The following RABGAP1L variants were observed in gnomAD, a reference collection of about 807,000 sequenced individuals.
RABGAP1L encodes the protein rab GTPase-activating protein 1-like.
Under a neutral mutation model 137.7 loss-of-function variants are expected in RABGAP1L, and 63 were observed. The observed-to-expected ratio is 0.46, with a 90% CI of 0.37 to 0.56. The LOEUF (loss-of-function observed/expected upper bound fraction) is 0.56, where lower values mean the gene tolerates loss of function less well. Ranked by LOEUF, RABGAP1L falls within the 20% of genes least tolerant of loss-of-function variation. RABGAP1L has a pLI of 0.00. For missense variants in RABGAP1L, 1,095 were observed against 1,244.0 expected (o/e 0.88, Z 1.80); for synonymous variants, 431 against 433.7 (o/e 0.99, Z 0.08).
chr1:174,471,153 C>T lies in RABGAP1L; in HGVS notation c.1710+77008C>T, dbSNP rs191958045. Reference sequence around the variant, plus strand: ...TTACTATGATTTCTATTTCTATATTCGTGTATGTTTTTGTGTTTGAGTTCA... The same window carrying T: ...TTACTATGATTTCTATTTCTATATTTGTGTATGTTTTTGTGTTTGAGTTCA... On this transcript the variant is annotated intron_variant, in intron 13 of 25. Transcript: ENST00000681986. Among the ~76,000 whole-genome samples, 157 of 152,244 alleles carry T rather than the reference C, an allele frequency of 1.0e-3. 1 individual carries two copies. The highest frequency in any genetic ancestry group is 8.1e-3 in the Admixed American group (124 of 15,294).
intron 11 of RABGAP1L, among the ~76,000 whole-genome samples, chr1:174,347,245 C>A (rs1475442754): frequency 6.6e-6 from 1 of 152,110 alleles, no homozygotes; most frequent in Non-Finnish European, 1.5e-5. Flanking sequence ...GACTGTGGTG[C>A]AGATTAAGTT....
At chr1:174,689,653 CT>C (rs1262990946) in intron 15 of RABGAP1L, among the ~76,000 whole-genome samples, 3 of 152,128 alleles carry the variant, frequency 2.0e-5, no homozygotes, top group African/African-American at 7.2e-5. Context: ...AAGGGACTGT[CT>C]TTTGCTATAG....
intron 13 of RABGAP1L, among the ~76,000 whole-genome samples, chr1:174,445,694 A>G (rs1260538619): frequency 2.0e-5 from 3 of 152,162 alleles, no homozygotes; most frequent in Non-Finnish European, 4.4e-5. Flanking sequence ...GCAAATTTTT[A>G]ATAATTAATA....
chr1:174,387,749 GAAATA>G (rs1215211046), intron 12 of RABGAP1L, among the ~76,000 whole-genome samples: 2 of 151,824 alleles, frequency 1.3e-5, no homozygotes, highest in African/African-American at 4.8e-5. Context: ...ATTTTTTTCA[GAAATA>G]AAATATTTCT....
chr1:174,605,720 G>C (rs1670741548), intron 13 of RABGAP1L, among the ~76,000 whole-genome samples: 1 of 152,114 alleles, frequency 6.6e-6, no homozygotes, highest in Non-Finnish European at 1.5e-5. Flanking sequence ...GTTGGCTTTT[G>C]TTTCTGCAAT....
At chr1:174,454,179 C>G (rs1655772390) in intron 13 of RABGAP1L, among the ~76,000 whole-genome samples, 1 of 152,052 alleles carries the variant, frequency 6.6e-6, no homozygotes, top group Non-Finnish European at 1.5e-5. Flanking sequence ...AGGAGAATTG[C>G]TTGAACCCGG....
chr1:174,495,288 A>G (rs1353563513), intron 13 of RABGAP1L, among the ~76,000 whole-genome samples: 1 of 152,134 alleles, frequency 6.6e-6, no homozygotes, highest in Admixed American at 6.5e-5. Context: ...TTCTATGGGG[A>G]TGTGAGTAAT....
intron 7 of RABGAP1L, among the ~76,000 whole-genome samples, chr1:174,264,864 G>A (rs1437223626): frequency 2.0e-5 from 3 of 151,706 alleles, no homozygotes; most frequent in South Asian, 2.1e-4. Context: ...AATGACAATC[G>A]AGAGAAAAAG....
intron 13 of RABGAP1L, among the ~76,000 whole-genome samples, chr1:174,540,358 A>C (rs1665275215): frequency 6.6e-6 from 1 of 152,160 alleles, no homozygotes; most frequent in Non-Finnish European, 1.5e-5. Flanking sequence ...TTAGTCATGA[A>C]GTCCTTGCCC....
intron 19 of RABGAP1L, among the ~76,000 whole-genome samples, chr1:174,889,382 A>G (rs1401829226): frequency 6.6e-6 from 1 of 152,072 alleles, no homozygotes. Context: ...TCAGCCTCCC[A>G]AAGTGCTGGG....
intron 14 of RABGAP1L, among the ~76,000 whole-genome samples, chr1:174,640,233 A>G (rs1674419301): frequency 6.6e-6 from 1 of 152,036 alleles, no homozygotes; most frequent in South Asian, 2.1e-4. Context: ...ATCTTGATTT[A>G]CTGTTATTTA....
At chr1:174,333,164 A>G (rs78278567) in intron 11 of RABGAP1L, among the ~76,000 whole-genome samples, 1,656 of 152,240 alleles carry the variant, frequency 0.011, 31 homozygotes, top group African/African-American at 0.038. Context: ...GAGGTTGGGG[A>G]GAATGAGGAG....
chr1:174,868,376 G>A (rs563922395), intron 19 of RABGAP1L, among the ~76,000 whole-genome samples: 29 of 152,148 alleles, frequency 1.9e-4, no homozygotes, highest in Non-Finnish European at 4.0e-4. Context: ...CTCCTCCCTA[G>A]CACAGTAGGT....
Position 174,241,591 on chromosome 1 carries a change from T to G in RABGAP1L, c.651T>G (p.Phe217Leu). The G allele has an allele frequency of 1.2e-6, 2 of 1,614,024 alleles. No homozygotes were observed. The highest frequency in any genetic ancestry group is 1.7e-6 in the Non-Finnish European group (2 of 1,179,938). ...DGTTESNCFAFTESSHGSEEF... is the reference protein window; with the variant it reads ...DGTTESNCFALTESSHGSEEF... ...CAACAGAGAGCAATTGCTTTGCATT[T>G]ACAGAGAGTTCCCATGGTTCGGAAG... is the stretch of plus-strand genomic sequence containing the variant. The change falls in exon 5 of 26, where the codon TTT becomes TTG. Residue 217 changes from phenylalanine to leucine, a missense_variant. By Grantham distance (22) the Phe-to-Leu change is conservative. Transcript: ENST00000681986.
At chr1:174,800,199 G>T in intron 18 of RABGAP1L, 1 of 1,397,908 alleles carries the variant, frequency 7.2e-7, no homozygotes. Flanking sequence ...GGAGACATTA[G>T]CTGACAATTC....
At chr1:174,229,158 C>T (rs771410757) in intron 3 of RABGAP1L, among the ~76,000 whole-genome samples, 1 of 151,968 alleles carries the variant, frequency 6.6e-6, no homozygotes, top group Non-Finnish European at 1.5e-5. Flanking sequence ...TCATAGAAGC[C>T]AGCAAGCCAG....
At chr1:174,478,228 CT>C (rs1558267704) in intron 13 of RABGAP1L, among the ~76,000 whole-genome samples, 3 of 151,618 alleles carry the variant, frequency 2.0e-5, no homozygotes, top group East Asian at 1.9e-4. Flanking sequence ...TATCTCTTAA[CT>C]TTTTTTTCCT....
At chr1:174,323,666 C>G (rs1233008103) in intron 11 of RABGAP1L, among the ~76,000 whole-genome samples, 1 of 152,054 alleles carries the variant, frequency 6.6e-6, no homozygotes, top group Non-Finnish European at 1.5e-5. Context: ...TGCAAATAAA[C>G]TAGTATGTTA....
At chr1:174,728,792 C>T (rs1472416761) in intron 17 of RABGAP1L, among the ~76,000 whole-genome samples, 1 of 152,046 alleles carries the variant, frequency 6.6e-6, no homozygotes, top group East Asian at 1.9e-4. Flanking sequence ...CAGGCGCAAG[C>T]CACCATGCCC....
Sources: allele counts gnomAD v4.1 joint callset (sites outside exome capture counted in the v4.1 genomes callset), GRCh38; gene constraint gnomAD v4.1.1; transcripts MANE v1.5; gene names NCBI Gene and HGNC (gene_info 2026-07-23, HGNC 2026-07-21).